TBC1D14: variants seen among roughly 807,000 people sequenced by gnomAD.
TBC1D14 encodes the protein TBC1 domain family member 14.
In TBC1D14, 26 loss-of-function variants were observed where a neutral mutation model predicts 79.0. The observed-to-expected ratio is 0.33, with a 90% CI of 0.24 to 0.46. The LOEUF is 0.46. Among genes scored for constraint, TBC1D14 ranks in the 20% least tolerant of loss-of-function variants. TBC1D14 has a pLI of 1.00. For synonymous variants in TBC1D14, 394 were observed against 349.9 expected (o/e 1.13, Z -1.40); for missense variants, 769 against 887.6 (o/e 0.87, Z 1.70).
At chr4:7,028,227 A>G (rs1438451929) in intron 13 of TBC1D14, among the ~76,000 whole-genome samples, 1 of 152,060 alleles carries the variant, frequency 6.6e-6, no homozygotes, top group African/African-American at 2.4e-5. Context: ...CACATACTGC[A>G]CACCCACATA....
chr4:6,920,003 C>T (rs536770904), intron 1 of TBC1D14, among the ~76,000 whole-genome samples: 108 of 151,800 alleles, frequency 7.1e-4, no homozygotes, highest in African/African-American at 2.5e-3. Context: ...CTGTCTTGAA[C>T]TCCTGGGCTC....
intron 2 of TBC1D14, among the ~76,000 whole-genome samples, chr4:6,940,754 C>G (rs187649539): frequency 6.6e-6 from 1 of 152,136 alleles, no homozygotes; most frequent in Admixed American, 6.6e-5. Context: ...TCTGCCTGGC[C>G]GGCTGGGCGG....
intron 2 of TBC1D14, among the ~76,000 whole-genome samples, chr4:6,941,210 C>T (rs1033570591): frequency 6.9e-5 from 8 of 115,972 alleles, no homozygotes; most frequent in African/African-American, 2.1e-4. Flanking sequence ...TTTTGAGATG[C>T]GGTCTCACTC....
In TBC1D14 at chr4:6,919,865, C is replaced by T. The variant is rs192293715; in HGVS notation, c.-17-3508C>T. ...CAAACTCCTGACTTCGTGATCTGCC[C>T]GCCTTGGCCTCCCAAAGTACTGGGA... On this transcript the variant is annotated intron_variant, in intron 1 of 13. Transcript: ENST00000409757. Among the ~76,000 whole-genome samples, 643 of 152,254 alleles carry T rather than the reference C, an allele frequency of 4.2e-3. 4 individuals are homozygous for T. Among genetic ancestry groups the T allele is most frequent in the African/African-American group, 0.013 (538 of 41,546 alleles).
chr4:7,006,617 G>A lies in TBC1D14; in HGVS notation c.1352-15G>A. The A allele has an allele frequency of 6.2e-7, 1 of 1,605,876 alleles. No homozygotes were observed. The highest frequency in any genetic ancestry group is 1.1e-5 in the South Asian group (1 of 90,344). On this transcript the variant is annotated splice_polypyrimidine_tract_variant and intron_variant, in intron 8 of 13. Coordinates refer to ENST00000409757, the MANE Select transcript of TBC1D14 (RefSeq NM_020773.3). ...GCCCTTGAGGAATGTAATTATTTTTGGCATCTTTTGACAGATGCTGGTTTT... is the reference window on the plus strand; with the variant it reads ...GCCCTTGAGGAATGTAATTATTTTTAGCATCTTTTGACAGATGCTGGTTTT...
chr4:7,015,710 G>A (rs1721213593), intron 12 of TBC1D14, among the ~76,000 whole-genome samples: 1 of 152,124 alleles, frequency 6.6e-6, no homozygotes, highest in Non-Finnish European at 1.5e-5. Context: ...GTGCCTCCGG[G>A]ATCCAGCAGC....
chr4:7,005,528 C>G (rs1046799439), intron 8 of TBC1D14, among the ~76,000 whole-genome samples: 19 of 151,788 alleles, frequency 1.3e-4, no homozygotes, highest in African/African-American at 4.6e-4. Flanking sequence ...GAGTGAGACT[C>G]TGTCTCAAGA....
At chr4:7,027,344 A>G (rs1336202833) in intron 13 of TBC1D14, among the ~76,000 whole-genome samples, 4 of 123,474 alleles carry the variant, frequency 3.2e-5, no homozygotes, top group African/African-American at 9.6e-5. Context: ...CACACACACA[A>G]TCACCTCCAC....
intron 2 of TBC1D14, among the ~76,000 whole-genome samples, chr4:6,938,335 C>T (rs1237888243): frequency 6.6e-6 from 1 of 152,156 alleles, no homozygotes; most frequent in Non-Finnish European, 1.5e-5. Flanking sequence ...GTGGACATAA[C>T]CTCACATGCT....
At chr4:6,954,395 C>T (rs1714424875) in intron 2 of TBC1D14, 3 of 717,320 alleles carry the variant, frequency 4.2e-6, no homozygotes, top group Admixed American at 2.0e-5. Context: ...TAACTGGAAG[C>T]AGAGTCTTTC....
At chr4:7,008,525 G>A (rs1435834290) in intron 9 of TBC1D14, among the ~76,000 whole-genome samples, 1 of 152,206 alleles carries the variant, frequency 6.6e-6, no homozygotes, top group Non-Finnish European at 1.5e-5. Flanking sequence ...CGATTCTCTT[G>A]CCTCAGCCTC....
chr4:7,014,875 G>A (rs578064774), intron 12 of TBC1D14, among the ~76,000 whole-genome samples: 28 of 152,352 alleles, frequency 1.8e-4, no homozygotes, highest in African/African-American at 6.5e-4. Flanking sequence ...CAAGGGCAGC[G>A]CTTGCCTGTC....
chr4:6,911,160 C>T (rs917761582), intron 1 of TBC1D14, among the ~76,000 whole-genome samples: 1 of 152,236 alleles, frequency 6.6e-6, no homozygotes, highest in East Asian at 1.9e-4. Context: ...TATGGCTTCC[C>T]CCCTCCGACC....
Position 7,001,201 on chromosome 4 carries a change from G to A in TBC1D14, c.1220G>A (p.Arg407Lys), listed in dbSNP as rs1560332259. ...LWWQGIPPSV[R>K]GKVWSLAIGN... ...TGGCAGGGAATCCCTCCAAGTGTGA[G>A]AGGCAAAGTCTGGAGCTTAGCCATT... Residue 407 changes from arginine (R) to lysine (K), a missense_variant, in exon 7 of 14, where the codon AGA becomes AAA. Arg to Lys is a conservative substitution (Grantham distance 26, BLOSUM62 2). Coordinates refer to ENST00000409757, the MANE Select transcript of TBC1D14 (RefSeq NM_020773.3). 1 of 1,614,198 alleles carries A rather than the reference G, an allele frequency of 6.2e-7. No individual in the cohort carries two copies. The highest frequency in any genetic ancestry group is 8.5e-7 in the Non-Finnish European group (1 of 1,180,032).
At chr4:7,017,007 AAAC>A (rs1721355885) in intron 12 of TBC1D14, among the ~76,000 whole-genome samples, 1 of 152,140 alleles carries the variant, frequency 6.6e-6, no homozygotes, top group Non-Finnish European at 1.5e-5. Context: ...TAGAGGAAAA[AAAC>A]AGGCTCAGGG....
intron 9 of TBC1D14, among the ~76,000 whole-genome samples, chr4:7,008,522 C>T (rs1028534773): frequency 3.9e-5 from 6 of 152,212 alleles, no homozygotes; most frequent in Admixed American, 3.3e-4. Flanking sequence ...AAGCGATTCT[C>T]TTGCCTCAGC....
chr4:6,997,121 T>A (rs1027544668), intron 5 of TBC1D14: 2 of 152,366 alleles, frequency 1.3e-5, no homozygotes, highest in African/African-American at 2.4e-5. Flanking sequence ...GCACTCCATG[T>A]GCGTCCCTCC....
chr4:6,979,185 G>A (rs901395848), intron 3 of TBC1D14, among the ~76,000 whole-genome samples: 2 of 152,094 alleles, frequency 1.3e-5, no homozygotes, highest in African/African-American at 4.8e-5. Context: ...ATCAAGACAG[G>A]AAAGAAGACA....
At chr4:6,953,309 C>T (rs1356743072) in intron 2 of TBC1D14, among the ~76,000 whole-genome samples, 1 of 137,924 alleles carries the variant, frequency 7.3e-6, no homozygotes, top group East Asian at 2.6e-4. Context: ...AGGCGTGAGC[C>T]ACCACGCCCA....
Sources: allele counts gnomAD v4.1 joint callset (sites outside exome capture counted in the v4.1 genomes callset), GRCh38; gene constraint gnomAD v4.1.1; transcripts MANE v1.5; gene names NCBI Gene and HGNC (gene_info 2026-07-23, HGNC 2026-07-21).